The following TENM1 variants were observed in gnomAD, a reference collection of about 807,000 sequenced individuals.
TENM1 encodes the protein teneurin transmembrane protein 1.
In TENM1, 35 loss-of-function variants were observed where a neutral mutation model predicts 174.8. That is an observed-to-expected ratio of 0.20 (90% CI 0.15 to 0.27). The LOEUF is 0.27. TENM1 is among the 10% of genes least tolerant of loss of function. The pLI is 1.00. For missense variants in TENM1, 1,633 were observed against 2,130.1 expected, an observed-to-expected ratio of 0.77 and a Z score of 4.59; for synonymous variants, 781 against 798.7, an observed-to-expected ratio of 0.98 and a Z score of 0.37.
At chrX:124,486,829 C>T (rs1016735602) in intron 21 of TENM1, among the ~76,000 whole-genome samples, 1 of 111,720 alleles carries the variant, frequency 9.0e-6, no homozygotes, top group East Asian at 2.8e-4. Context: ...ACTTCTGGAT[C>T]TAGGGAGATT....
At chrX:124,582,892 G>A (rs906920512) in intron 11 of TENM1, among the ~76,000 whole-genome samples, 1 of 112,451 alleles carries the variant, frequency 8.9e-6, no homozygotes, top group African/African-American at 3.2e-5. Context: ...TCCCGCACCT[G>A]GCTTCGAGGG....
At chrX:124,761,549 G>C (rs1288746588) in intron 3 of TENM1, among the ~76,000 whole-genome samples, 3 of 72,118 alleles carry the variant, frequency 4.2e-5, no homozygotes, top group Admixed American at 1.8e-4. Context: ...GTTGTGGGGT[G>C]GGGGGAGGGG....
chrX:124,965,126 G>A (rs1030763834), upstream of TENM1, among the ~76,000 whole-genome samples: 2 of 111,989 alleles, frequency 1.8e-5, no homozygotes, highest in Admixed American at 1.9e-4. Context: ...CGCCCAGGCT[G>A]GAGTTCAGTG....
intron 20 of TENM1, among the ~76,000 whole-genome samples, chrX:124,495,349 T>A (rs1479861295): frequency 5.5e-5 from 6 of 109,663 alleles, no homozygotes; most frequent in Non-Finnish European, 3.8e-5. Context: ...CACCCACTTT[T>A]TGATGGGGTT....
chrX:124,397,212 T>G (rs887207505), intron 27 of TENM1, among the ~76,000 whole-genome samples: 6 of 112,231 alleles, frequency 5.3e-5, no homozygotes, highest in Non-Finnish European at 1.1e-4. Context: ...TTCTGAGGAC[T>G]TTGTGTTCTA....
chrX:125,078,395 A>C, the TENM1 span, among the ~76,000 whole-genome samples: 2 of 112,027 alleles, frequency 1.8e-5, no homozygotes, highest in Admixed American at 9.5e-5. Flanking sequence ...GAGTGACCTG[A>C]AACTTGTTGC....
In TENM1 at chrX:124,762,804, A is replaced by G. The variant is rs184323438; in HGVS notation, c.536-25607T>C. ...ATTTATGTTATTTGTTGAAGATTAC[A>G]TGGTCAACCAGTGGTGACCATTGAG... On this transcript the variant is annotated intron_variant, in intron 3 of 31. Coordinates refer to ENST00000422452, the Ensembl canonical transcript of TENM1. Among the ~76,000 whole-genome samples the G allele has an allele frequency of 6.9e-3, 774 of 111,625 alleles. 7 individuals are homozygous for G. The highest frequency in any genetic ancestry group is 0.024 in the African/African-American group (736 of 30,760).
intron 11 of TENM1, among the ~76,000 whole-genome samples, chrX:124,619,124 A>G (rs1443615356): frequency 8.9e-6 from 1 of 112,286 alleles, no homozygotes; most frequent in Non-Finnish European, 1.9e-5. Context: ...GATTTAATGC[A>G]TATTGAATTG....
chrX:124,724,118 CT>C (rs1276377077), intron 4 of TENM1, among the ~76,000 whole-genome samples: 5 of 111,691 alleles, frequency 4.5e-5, no homozygotes, highest in African/African-American at 9.8e-5. Context: ...TTTTTTGATA[CT>C]GAACATTTCA....
intron 3 of TENM1, among the ~76,000 whole-genome samples, chrX:124,811,402 A>G (rs1477290250): frequency 2.7e-5 from 3 of 111,916 alleles, no homozygotes; most frequent in Admixed American, 9.5e-5. Context: ...GCCAACAAGT[A>G]TATAGCAAGA....
chrX:124,666,934 C>G (rs1281947634), intron 6 of TENM1, among the ~76,000 whole-genome samples: 1 of 111,713 alleles, frequency 9.0e-6, no homozygotes, highest in Non-Finnish European at 1.9e-5. Context: ...TTTACTTGTT[C>G]AGTTTTTCTC....
chrX:124,807,784 TGTAA>T (rs2055644800), intron 3 of TENM1, among the ~76,000 whole-genome samples: 2 of 110,351 alleles, frequency 1.8e-5, no homozygotes, highest in African/African-American at 6.6e-5. Flanking sequence ...CAAGATATTT[TGTAA>T]GTATCATGGT....
the TENM1 span, among the ~76,000 whole-genome samples, chrX:125,020,527 T>A: frequency 1.3e-4 from 14 of 109,169 alleles, no homozygotes; most frequent in East Asian, 3.4e-3. Flanking sequence ...CAGGTTTATT[T>A]TTATTATTAT....
At chrX:124,527,976 T>C (rs1002970777) in intron 16 of TENM1, among the ~76,000 whole-genome samples, 3 of 108,367 alleles carry the variant, frequency 2.8e-5, no homozygotes, top group Non-Finnish European at 5.7e-5. Context: ...ATATTTTTCT[T>C]ATGATTTTCT....
chrX:125,052,785 C>A, the TENM1 span, among the ~76,000 whole-genome samples: 2 of 112,432 alleles, frequency 1.8e-5, no homozygotes, highest in East Asian at 2.8e-4. Context: ...AAGAGAAGGA[C>A]AAATGTTCCG....
At chrX:124,774,281 T>C (rs2054729997) in intron 3 of TENM1, among the ~76,000 whole-genome samples, 1 of 111,430 alleles carries the variant, frequency 9.0e-6, no homozygotes, top group Non-Finnish European at 1.9e-5. Context: ...CAATAGCAAA[T>C]GAGGCACAAA....
chrX:124,381,217 G>T, exon 32 of TENM1: 1 of 1,205,935 alleles, frequency 8.3e-7, no homozygotes. Context: ...CATTGTATCG[G>T]GGAGTCATAG....
intron 11 of TENM1, among the ~76,000 whole-genome samples, chrX:124,598,770 G>GT (rs1322474062): frequency 2.7e-4 from 30 of 111,379 alleles, no homozygotes; most frequent in African/African-American, 9.1e-4. Context: ...GCTGAATGGT[G>GT]TGGGAGGGAG....
At chrX:124,920,140 C>T (rs1318133548) in intron 1 of TENM1, among the ~76,000 whole-genome samples, 3 of 111,491 alleles carry the variant, frequency 2.7e-5, no homozygotes, top group African/African-American at 9.7e-5. Flanking sequence ...ATTCCTCATT[C>T]CCTAAACATC....
Sources: allele counts gnomAD v4.1 joint callset (sites outside exome capture counted in the v4.1 genomes callset), GRCh38; gene constraint gnomAD v4.1.1; transcripts MANE v1.5; gene names NCBI Gene and HGNC (gene_info 2026-07-23, HGNC 2026-07-21).